FGD3: variants seen among roughly 807,000 people sequenced by gnomAD.
FGD3 encodes FYVE, RhoGEF and PH domain-containing protein 3.
A neutral mutation model predicts 71.8 loss-of-function variants in FGD3; 45 were observed. That is an observed-to-expected ratio of 0.63 (90% confidence interval 0.49 to 0.80). The LOEUF (loss-of-function observed/expected upper bound fraction) is 0.80. Among genes scored for constraint, FGD3 ranks in the 30% least tolerant of loss-of-function variants. The probability of loss-of-function intolerance (pLI) is 0.00; values close to 1 mark genes in which losing one functional copy is unlikely to be tolerated. For synonymous variants in FGD3, 378 were observed against 392.8 expected (o/e 0.96, Z 0.44); for missense variants, 844 against 951.5 (o/e 0.89, Z 1.49).
At chr9:93,023,636 G>GAGAT (rs904357160) in intron 14 of FGD3, among the ~76,000 whole-genome samples, 7 of 152,082 alleles carry the variant, frequency 4.6e-5, no homozygotes, top group Admixed American at 1.3e-4. Flanking sequence ...CCAGCTTCCT[G>GAGAT]GCCACCCTCC....
chr9:93,012,193 A>T (rs911292664), intron 8 of FGD3, among the ~76,000 whole-genome samples: 1 of 151,798 alleles, frequency 6.6e-6, no homozygotes, highest in Non-Finnish European at 1.5e-5. Context: ...AACCAGGGGG[A>T]AAAAAAGGAA....
chr9:93,014,254 T>G lies in FGD3; in HGVS notation c.1182+256T>G, dbSNP rs555474066. Among the ~76,000 whole-genome samples the G allele has an allele frequency of 3.4e-5, 5 of 148,402 alleles. No individual in the cohort carries two copies. In the East Asian group the frequency reaches 9.7e-4, roughly 29 times the overall value. On this transcript the variant is annotated intron_variant, in intron 9 of 17. Transcript: ENST00000375482. ...TGCAAATATCTCATTTTTTAATCCCTCGTAGCCCATACCTCTTTCGTCCCC... is the reference window on the plus strand; with the variant it reads ...TGCAAATATCTCATTTTTTAATCCCGCGTAGCCCATACCTCTTTCGTCCCC...
chr9:93,026,322 C>T (rs1375786810), intron 14 of FGD3, among the ~76,000 whole-genome samples: 5 of 152,190 alleles, frequency 3.3e-5, no homozygotes, highest in Non-Finnish European at 5.9e-5. Flanking sequence ...ACATCCACAA[C>T]GAAAACCTGA....
At chr9:92,951,094 T>TC (rs2118492441) in intron 1 of FGD3, among the ~76,000 whole-genome samples, 1 of 152,240 alleles carries the variant, frequency 6.6e-6, no homozygotes, top group East Asian at 1.9e-4. Context: ...GCTCTGGGGG[T>TC]CCCGCTCTAG....
chr9:92,976,591 C>A lies in FGD3; in HGVS notation c.335C>A (p.Ala112Asp), dbSNP rs1281510542. The A allele has an allele frequency of 6.2e-7, 1 of 1,612,708 alleles. No homozygotes were observed. The highest frequency in any genetic ancestry group is 1.7e-5 in the Admixed American group (1 of 59,980). The stretch of plus-strand genomic sequence containing the variant: ...GTACTGGGGGCGCACGCAGAGATGG[C>A]CCTGGACAGCCAGGTCCCGAAGGTC... Reference protein sequence around the residue: ...PTVLGAHAEMALDSQVPKVTP... With the variant: ...PTVLGAHAEMDLDSQVPKVTP... Residue 112 changes from alanine (A) to aspartate (D), a missense_variant, in exon 3 of 18, where the codon GCC (alanine) becomes GAC (aspartate). Ala to Asp is a moderately radical substitution (Grantham distance 126, BLOSUM62 -2). Transcript: ENST00000375482.
rs529200265 is a variant in FGD3 at position 93,025,359 on chromosome 9, A to G, written c.1557+2970A>G. 1.6e-4 allele frequency among the ~76,000 whole-genome samples: 25 copies of G among 152,260 alleles called. 1 individual carries two copies. The East Asian group carries it at 3.3e-3, about 20-fold the overall frequency. On this transcript the variant is annotated intron_variant, in intron 14 of 17. Transcript: ENST00000375482. ...CCCAGGGCCTCCCTACGAACAGTGG[A>G]TGTGGCCTGGCCTGGCCCTGTGTTC... is the stretch of plus-strand genomic sequence containing the variant.
At chr9:92,952,257 G>A (rs1191668155) in intron 1 of FGD3, among the ~76,000 whole-genome samples, 1 of 136,168 alleles carries the variant, frequency 7.3e-6, no homozygotes, top group Non-Finnish European at 1.5e-5. Context: ...TTTTTTTGGA[G>A]ATAGAGTCTT....
In FGD3 at chr9:93,032,772, A is replaced by G. The variant is rs772685844; in HGVS notation, c.1684A>G (p.Ile562Val). Reference sequence around the variant, plus strand: ...ACACGTGCCCTCTGTTTGGCAGGTCATCTGTGGGAAGTGCTCCGAGTTCAA... The same window carrying G: ...ACACGTGCCCTCTGTTTGGCAGGTCGTCTGTGGGAAGTGCTCCGAGTTCAA... ...RHHCKLCGAV[I>V]CGKCSEFKAE... The change falls in exon 16 of 18, where the codon ATC (isoleucine) becomes GTC (valine). Residue 562 changes from isoleucine (I) to valine (V), a missense_variant. Coordinates refer to ENST00000375482, the MANE Select transcript of FGD3 (RefSeq NM_001083536.2). 3.7e-6 allele frequency: 6 copies of G among 1,614,094 alleles called. No individual in the cohort carries two copies. The highest frequency in any genetic ancestry group is 5.1e-6 in the Non-Finnish European group (6 of 1,179,966).
At chr9:93,021,981 A>G (rs1490218554) in intron 13 of FGD3, among the ~76,000 whole-genome samples, 1 of 152,172 alleles carries the variant, frequency 6.6e-6, no homozygotes, top group East Asian at 1.9e-4. Context: ...AGACTCCACA[A>G]GGAACCCTGG....
intron 14 of FGD3, among the ~76,000 whole-genome samples, chr9:93,028,197 G>GACACACACAC (rs371150500): frequency 5.4e-5 from 8 of 147,322 alleles, no homozygotes; most frequent in Admixed American, 3.4e-4. Context: ...CCCTAGCCCC[G>GACACACACAC]ACACACACAC....
In FGD3 at chr9:92,989,353, C is replaced by T. The variant is rs532170273; in HGVS notation, c.453+12644C>T. On this transcript the variant is annotated intron_variant, in intron 3 of 17. Coordinates refer to ENST00000375482, the MANE Select transcript of FGD3 (RefSeq NM_001083536.2). ...CGTGATCCACCGCGCCTGGCCAACC[C>T]CTGACCTCTTCATCCGCCCACCTTG... Among the ~76,000 whole-genome samples, 18 of 152,324 alleles carry T rather than the reference C, an allele frequency of 1.2e-4. No individual in the cohort carries two copies. The South Asian group carries it at 2.9e-3, about 25-fold the overall frequency.
chr9:92,969,679 C>A lies in FGD3; in HGVS notation c.-217-5559C>A, dbSNP rs112261640. Among the ~76,000 whole-genome samples, 2,986 of 152,188 alleles carry A rather than the reference C, an allele frequency of 0.02. 112 individuals are homozygous for A. The highest frequency in any genetic ancestry group is 0.068 in the African/African-American group (2,805 of 41,506). On this transcript the variant is annotated intron_variant, in intron 1 of 17. Coordinates refer to ENST00000375482, the MANE Select transcript of FGD3 (RefSeq NM_001083536.2). This position sits in a 1 kb window ranked among gnomAD's most constrained non-coding sequence, Gnocchi z 4.5. Reference sequence around the variant, plus strand: ...GTTTCTTTCAGATGGGGGGGGACTCCCGCACGGCCTCCCGGGAAGGGACAT... The same window carrying A: ...GTTTCTTTCAGATGGGGGGGGACTCACGCACGGCCTCCCGGGAAGGGACAT...
rs1296297258 is a variant in FGD3 at position 93,033,285 on chromosome 9, CTCCTCCTCCCCGTCCCCTT to C, written c.1785+413_1785+431del. The C allele has an allele frequency of 6.8e-4, 121 of 177,632 alleles. 1 individual carries two copies. The African/African-American group carries it at 7.1e-3, about 10-fold the overall frequency. The allele number at this position is 177,632 out of a possible 1,614,324, so 11.0% of individuals were successfully genotyped here. ...GGGCCCTGGAGGCAGGCACCCCCTC[CTCCTCCTCCCCGTCCCCTT>C]CTCCTCCTCCTCCCCGTCCCCTTCT... is the stretch of plus-strand genomic sequence containing the variant. On this transcript the variant is annotated intron_variant, in intron 16 of 17. Transcript: ENST00000375482.
In FGD3 at chr9:93,015,718, T is replaced by C. The variant is rs1861652153; in HGVS notation, c.1183-19T>C. On this transcript the variant is annotated intron_variant, in intron 9 of 17. Coordinates refer to ENST00000375482, the MANE Select transcript of FGD3 (RefSeq NM_001083536.2). ...CTGCGGGCAGCTCTCGTTCCTCACC[T>C]GTGCCATCCCTCTTGCAGTTCAACA... 6.2e-7 allele frequency: 1 copy of C among 1,611,786 alleles called. No homozygotes were observed. The highest frequency in any genetic ancestry group is 1.3e-5 in the African/African-American group (1 of 74,896).
At position 93,011,651 on chromosome 9, in the gene FGD3, T is replaced by A. The variant is rs1351453168; in HGVS notation, c.1035+379T>A. Among the ~76,000 whole-genome samples, 412 of 118,820 alleles carry A rather than the reference T, an allele frequency of 3.5e-3. No homozygotes were observed. The Middle Eastern group carries it at 0.059, about 17-fold the overall frequency. The allele number at this position is 118,820 out of a possible 152,430, so 78.0% of individuals were successfully genotyped here. A position where few individuals can be genotyped will look rare whatever the true frequency, so the allele number is the denominator to read the frequency against. Reference sequence around the variant, plus strand: ...GGCGGGCGGATCATGAGGTCAGGAGTTGGAGACCAGCCTGGCCAATATGGT... The same window carrying A: ...GGCGGGCGGATCATGAGGTCAGGAGATGGAGACCAGCCTGGCCAATATGGT... On this transcript the variant is annotated intron_variant, in intron 8 of 17. Transcript: ENST00000375482.
chr9:93,014,123 A>T, intron 9 of FGD3, 125 bp downstream of exon 9: 1 of 1,252,300 alleles, frequency 8.0e-7, no homozygotes, highest in Non-Finnish European at 1.1e-6. Context: ...TCCTACTGGG[A>T]CTGTGGCTCC....
In FGD3 at chr9:93,003,473, A is replaced by C. The variant is rs147120978; in HGVS notation, c.543+459A>C. ...TTCAGTGCTTGTAGCTCTGAGGAGAAGGCTTTGCCAAGTCACCTGTGGGAC... is the reference window on the plus strand; with the variant it reads ...TTCAGTGCTTGTAGCTCTGAGGAGACGGCTTTGCCAAGTCACCTGTGGGAC... On this transcript the variant is annotated intron_variant, in intron 4 of 17. Transcript: ENST00000375482. The surrounding 1 kb of genome is among the most constrained non-coding windows in gnomAD (Gnocchi z 4.1). Among the ~76,000 whole-genome samples, 2 of 152,168 alleles carry C rather than the reference A, an allele frequency of 1.3e-5. No homozygotes were observed. The highest frequency in any genetic ancestry group is 1.5e-5 in the Non-Finnish European group (1 of 68,020).
At position 93,002,826 on chromosome 9, in the gene FGD3, CT is replaced by C. The variant is rs1860906326; in HGVS notation, c.454-98del. Reference sequence around the variant, plus strand: ...TTGCCCCAGTGGCCTCCTGCCACCCCTGTGGCCCCTGGTTCTCCTGCACACA... The same window carrying C: ...TTGCCCCAGTGGCCTCCTGCCACCCCGTGGCCCCTGGTTCTCCTGCACACA... On this transcript the variant is annotated intron_variant, in intron 3 of 17. Coordinates refer to ENST00000375482, the MANE Select transcript of FGD3 (RefSeq NM_001083536.2). 1.0e-5 allele frequency: 12 copies of C among 1,201,378 alleles called. No individual in the cohort carries two copies. In the South Asian group the frequency reaches 1.4e-4, roughly 14 times the overall value. The allele number at this position is 1,201,378 out of a possible 1,614,324, so 74.4% of individuals were successfully genotyped here. A position where few individuals can be genotyped will look rare whatever the true frequency, so the allele number is the denominator to read the frequency against.
At chr9:93,005,932 AC>A in intron 5 of FGD3, 91 bp from the exon 6 acceptor site, 1 of 1,449,090 alleles carries the variant, frequency 6.9e-7, no homozygotes. Context: ...GCTGGCCTCC[AC>A]CCCACACCCC....
Sources: gnomAD v4.1 joint callset for allele counts (sites outside exome capture counted in the v4.1 genomes callset) on GRCh38, gnomAD v4.1.1 for gene constraint, Gnocchi (gnomAD v3.1) non-coding constraint, MANE v1.5 for transcripts, NCBI Gene and HGNC (gene_info 2026-07-23, HGNC 2026-07-21) for gene names.